LRRC7: variants seen among roughly 807,000 people sequenced by gnomAD.
LRRC7 encodes leucine rich repeat containing 7.
LRRC7 carries 23 observed loss-of-function variants against 175.7 expected under a neutral mutation model. That is an observed-to-expected ratio of 0.13 (90% CI 0.09 to 0.19). The LOEUF is 0.19. Ranked by LOEUF, LRRC7 falls within the 10% of genes least tolerant of loss-of-function variation. LRRC7 has a pLI of 1.00. For missense variants in LRRC7, 1,354 were observed against 1,904.7 expected (o/e 0.71, Z 5.38); for synonymous variants, 685 against 680.9 (o/e 1.01, Z -0.09).
intron 7 of LRRC7, among the ~76,000 whole-genome samples, chr1:69,860,518 A>T (rs1424634773): frequency 6.6e-6 from 1 of 152,032 alleles, no homozygotes; most frequent in Non-Finnish European, 1.5e-5. Flanking sequence ...TTTGCTAACC[A>T]TATGGCCATA....
intron 25 of LRRC7, among the ~76,000 whole-genome samples, chr1:70,094,648 C>A (rs1330806651): frequency 6.6e-6 from 1 of 152,046 alleles, no homozygotes; most frequent in Admixed American, 6.6e-5. Context: ...GATATTACAT[C>A]AAATAAAAGT....
At chr1:69,874,082 A>C (rs1685818578) in intron 7 of LRRC7, 1 of 152,162 alleles carries the variant, frequency 6.6e-6, no homozygotes, top group Non-Finnish European at 1.5e-5. Context: ...CAGATGGCAC[A>C]AGTCAAAATA....
chr1:69,787,747 T>A (rs1468253515), intron 3 of LRRC7, among the ~76,000 whole-genome samples: 1 of 152,112 alleles, frequency 6.6e-6, no homozygotes, highest in Non-Finnish European at 1.5e-5. Context: ...GGTGACTAAC[T>A]TTCAGCTCCT....
chr1:69,635,159 T>G (rs573409235), intron 1 of LRRC7, among the ~76,000 whole-genome samples: 1 of 152,060 alleles, frequency 6.6e-6, no homozygotes, highest in East Asian at 1.9e-4. Flanking sequence ...CTCCCACTTA[T>G]AAATGAGAAC....
chr1:70,121,533 G>A (rs561099567), intron 26 of LRRC7, among the ~76,000 whole-genome samples: 8 of 152,156 alleles, frequency 5.3e-5, no homozygotes, highest in African/African-American at 1.4e-4. Context: ...ATCTGTTATT[G>A]ACCAGGGTAT....
chr1:69,843,644 T>A (rs1681992224), intron 7 of LRRC7, among the ~76,000 whole-genome samples: 1 of 152,138 alleles, frequency 6.6e-6, no homozygotes, highest in African/African-American at 2.4e-5. Flanking sequence ...CCTTTGTGAA[T>A]ACCCAAGGAC....
chr1:70,056,691 C>A (rs1385815568), intron 23 of LRRC7, among the ~76,000 whole-genome samples: 1 of 152,174 alleles, frequency 6.6e-6, no homozygotes, highest in East Asian at 1.9e-4. Context: ...TCTTACATCT[C>A]ATTGACCCAA....
In LRRC7 at chr1:69,582,954, A is replaced by G. The variant is rs1381409299; in HGVS notation, c.2+14313A>G. Among the ~76,000 whole-genome samples, 5 of 152,256 alleles carry G rather than the reference A, an allele frequency of 3.3e-5. No individual in the cohort carries two copies. In the East Asian group the frequency reaches 9.6e-4, roughly 29 times the overall value. On this transcript the variant is annotated intron_variant, in intron 1 of 26. Coordinates refer to ENST00000651989, the MANE Select transcript of LRRC7 (RefSeq NM_001370785.2). ...TTGCCCTATTTTCCTAAGTTATAAG[A>G]CATTTGGGGAAAAATAACATTCATA... is the stretch of plus-strand genomic sequence containing the variant.
intron 5 of LRRC7, among the ~76,000 whole-genome samples, chr1:69,830,706 A>T (rs550568922): frequency 6.2e-4 from 95 of 152,078 alleles, no homozygotes; most frequent in Non-Finnish European, 1.1e-3. Flanking sequence ...TTCAATAAAA[A>T]ATTCACGTTG....
chr1:70,118,486 G>A (rs61784314), intron 26 of LRRC7, among the ~76,000 whole-genome samples: 23,174 of 152,082 alleles, frequency 0.15, 2,159 homozygotes, highest in African/African-American at 0.25. Context: ...ACTGTAAAGA[G>A]CAGAATTATC....
intron 1 of LRRC7, among the ~76,000 whole-genome samples, chr1:69,630,031 C>T (rs2100368844): frequency 6.6e-6 from 1 of 152,028 alleles, no homozygotes; most frequent in Non-Finnish European, 1.5e-5. Context: ...CTCTTTTTTT[C>T]CCTCCAGTGT....
chr1:69,832,781 C>T (rs1680671151), intron 5 of LRRC7, among the ~76,000 whole-genome samples: 1 of 151,718 alleles, frequency 6.6e-6, no homozygotes, highest in East Asian at 1.9e-4. Flanking sequence ...TCACAGAAGC[C>T]AATATTTATA....
intron 1 of LRRC7, among the ~76,000 whole-genome samples, chr1:69,651,342 T>C (rs1655799372): frequency 6.6e-6 from 1 of 152,180 alleles, no homozygotes; most frequent in South Asian, 2.1e-4. Flanking sequence ...TAACTTTCTC[T>C]ATAGTTGAGA....
chr1:69,973,202 G>A (rs929325309), intron 8 of LRRC7, among the ~76,000 whole-genome samples: 1 of 151,612 alleles, frequency 6.6e-6, no homozygotes, highest in African/African-American at 2.4e-5. Flanking sequence ...ACCAAACATC[G>A]TATGTTGTCA....
chr1:69,568,767 C>T (rs1296180274), intron 1 of LRRC7, 126 bp downstream of exon 1: 11 of 574,584 alleles, frequency 1.9e-5, no homozygotes, highest in Non-Finnish European at 2.4e-5. Context: ...CGGGAGGCTT[C>T]GGCGCTCGCG....
In LRRC7 at chr1:69,603,566, C is replaced by A. The variant is rs182557728; in HGVS notation, c.2+34925C>A. Among the ~76,000 whole-genome samples, 664 of 152,150 alleles carry A rather than the reference C, an allele frequency of 4.4e-3. 6 individuals carry two copies. The highest frequency in any genetic ancestry group is 7.1e-3 in the Non-Finnish European group (484 of 67,964). ...TTACTGAAGTAGCATTCTGCTAGAT[C>A]TTTTTTACAGATATTATACAAATAG... is the stretch of plus-strand genomic sequence containing the variant. On this transcript the variant is annotated intron_variant, in intron 1 of 26. Transcript: ENST00000651989.
chr1:69,596,454 G>A (rs562244139), intron 1 of LRRC7, among the ~76,000 whole-genome samples: 2 of 152,220 alleles, frequency 1.3e-5, no homozygotes, highest in African/African-American at 4.8e-5. Flanking sequence ...GTCAGTTGAG[G>A]CATAAGCAAG....
In LRRC7 at chr1:70,028,158, T is replaced by G; in HGVS notation, c.1795-13T>G. 1 of 1,599,630 alleles carries G rather than the reference T, an allele frequency of 6.3e-7. No homozygotes were observed. The highest frequency in any genetic ancestry group is 8.5e-7 in the Non-Finnish European group (1 of 1,171,256). On this transcript the variant is annotated splice_polypyrimidine_tract_variant and intron_variant, in intron 17 of 26. Coordinates refer to ENST00000651989, the MANE Select transcript of LRRC7 (RefSeq NM_001370785.2). Reference sequence around the variant, plus strand: ...GTTATTTTTATGTTAAATTTCTTTTTGTAAACTTCTAGGTTGAAATAAACC... The same window carrying G: ...GTTATTTTTATGTTAAATTTCTTTTGGTAAACTTCTAGGTTGAAATAAACC...
At chr1:69,624,354 T>A (rs149672340) in intron 1 of LRRC7, among the ~76,000 whole-genome samples, 174 of 152,276 alleles carry the variant, frequency 1.1e-3, no homozygotes, top group Non-Finnish European at 1.6e-3. Flanking sequence ...GATGCACATA[T>A]ATATATGTAT....
Sources: allele counts gnomAD v4.1 joint callset (sites outside exome capture counted in the v4.1 genomes callset), GRCh38; gene constraint gnomAD v4.1.1; transcripts MANE v1.5; gene names NCBI Gene and HGNC (gene_info 2026-07-23, HGNC 2026-07-21).